The following HS6ST2 variants were observed in gnomAD, a reference collection of about 807,000 sequenced individuals.
HS6ST2 encodes heparan sulfate 6-O-sulfotransferase 2, also known as heparan-sulfate 6-O-sulfotransferase 2.
HS6ST2 carries 17 observed loss-of-function variants against 33.0 expected under a neutral mutation model. That is an observed-to-expected ratio of 0.52 (90% CI 0.35 to 0.77). HS6ST2 has a LOEUF of 0.77. HS6ST2 is among the 30% of genes least tolerant of loss of function. The pLI is 0.01. For missense variants in HS6ST2, 519 were observed against 551.7 expected (o/e 0.94, Z 0.59); for synonymous variants, 248 against 237.1 (o/e 1.05, Z -0.42).
At chrX:132,665,771 T>A (rs1334524858) in intron 4 of HS6ST2, among the ~76,000 whole-genome samples, 6 of 110,041 alleles carry the variant, frequency 5.5e-5, no homozygotes, top group African/African-American at 2.0e-4. Flanking sequence ...TTCTGTCTTG[T>A]CAATTTGGCT....
At chrX:132,930,093 G>C (rs2066750215) in intron 2 of HS6ST2, among the ~76,000 whole-genome samples, 1 of 111,532 alleles carries the variant, frequency 9.0e-6, no homozygotes, top group Non-Finnish European at 1.9e-5. Flanking sequence ...CCCAATTGTG[G>C]CAAGTAGCCC....
intron 4 of HS6ST2, among the ~76,000 whole-genome samples, chrX:132,637,842 T>TATATATTATTTTA (rs2063564919): frequency 2.5e-5 from 1 of 40,803 alleles, no homozygotes; most frequent in African/African-American, 5.1e-4. Context: ...ATATAATATT[T>TATATATTATTTTA]TATATATAAT....
At chrX:132,894,911 C>T (rs183158234) in intron 2 of HS6ST2, among the ~76,000 whole-genome samples, 28 of 112,191 alleles carry the variant, frequency 2.5e-4, no homozygotes, top group Admixed American at 2.2e-3. Context: ...TCCAAAGGGA[C>T]AGAATACAAG....
At chrX:132,643,428 GC>G (rs1336738178) in intron 4 of HS6ST2, among the ~76,000 whole-genome samples, 1 of 111,770 alleles carries the variant, frequency 8.9e-6, no homozygotes, top group Non-Finnish European at 1.9e-5. Context: ...CCGATGAAGG[GC>G]AAGGTTCCTG....
intron 2 of HS6ST2, among the ~76,000 whole-genome samples, chrX:132,717,334 T>A (rs770670436): frequency 8.9e-6 from 1 of 112,815 alleles, no homozygotes; most frequent in South Asian, 3.7e-4. Context: ...TATGTTCATA[T>A]CCCAGCTCTC....
intron 2 of HS6ST2, among the ~76,000 whole-genome samples, chrX:132,724,948 T>C (rs1327528389): frequency 2.7e-5 from 3 of 111,892 alleles, no homozygotes; most frequent in Admixed American, 9.5e-5. Flanking sequence ...TGAATATCCA[T>C]ATGCAAAAGA....
intron 4 of HS6ST2, among the ~76,000 whole-genome samples, chrX:132,640,543 C>G (rs1189500973): frequency 9.0e-6 from 1 of 111,144 alleles, no homozygotes; most frequent in Non-Finnish European, 1.9e-5. Context: ...TCATTTTAGT[C>G]ACAGTGTATA....
chrX:132,900,949 T>A (rs2066421140), intron 2 of HS6ST2, among the ~76,000 whole-genome samples: 1 of 112,463 alleles, frequency 8.9e-6, no homozygotes, highest in Middle Eastern at 4.7e-3. Flanking sequence ...CCCTCTCTTA[T>A]TATCTTTCAC....
intron 2 of HS6ST2, among the ~76,000 whole-genome samples, chrX:132,772,092 A>G (rs1262068962): frequency 8.9e-6 from 1 of 111,946 alleles, no homozygotes; most frequent in Non-Finnish European, 1.9e-5. Flanking sequence ...CATTCTTATA[A>G]TTATTATAAA....
chrX:132,858,473 A>T (rs954852707), intron 2 of HS6ST2, among the ~76,000 whole-genome samples: 8 of 112,148 alleles, frequency 7.1e-5, no homozygotes, highest in Non-Finnish European at 1.5e-4. Flanking sequence ...ACAAAGTACT[A>T]GGTGGTGGGC....
Position 132,766,270 on chromosome X carries a change from T to C in HS6ST2, c.948-57776A>G, listed in dbSNP as rs924049525. ...TTATTGGTAAATGAATCTTTCACCA[T>C]TAATTTAACTAACTAAAATAACAAA... On this transcript the variant is annotated intron_variant, in intron 2 of 4. Coordinates refer to ENST00000370833, the MANE Select transcript of HS6ST2 (RefSeq NM_001394073.1). 1.2e-4 allele frequency among the ~76,000 whole-genome samples: 14 copies of C among 112,645 alleles called. 1 individual carries two copies. The highest frequency in any genetic ancestry group is 5.6e-5 in the Non-Finnish European group (3 of 53,362).
At chrX:132,798,040 T>G (rs1602688309) in intron 2 of HS6ST2, among the ~76,000 whole-genome samples, 1 of 66,152 alleles carries the variant, frequency 1.5e-5, no homozygotes, top group Admixed American at 2.1e-4. Flanking sequence ...GAAGTCAAGT[T>G]GAAAGAAGGA....
chrX:132,686,020 A>G (rs2064014057), intron 3 of HS6ST2, among the ~76,000 whole-genome samples: 1 of 111,745 alleles, frequency 8.9e-6, no homozygotes, highest in Non-Finnish European at 1.9e-5. Context: ...GTATTCCTAG[A>G]TAACTGTTCA....
chrX:132,861,937 T>G (rs932832652), intron 2 of HS6ST2, among the ~76,000 whole-genome samples: 1 of 112,415 alleles, frequency 8.9e-6, no homozygotes, highest in Non-Finnish European at 1.9e-5. Flanking sequence ...GAACTTACCA[T>G]GGAACAGATG....
chrX:132,652,854 A>C (rs768036056), intron 4 of HS6ST2, among the ~76,000 whole-genome samples: 2 of 111,249 alleles, frequency 1.8e-5, no homozygotes, highest in South Asian at 3.8e-4. Flanking sequence ...ATCCTGATTA[A>C]GGCACTTGCA....
intron 2 of HS6ST2, among the ~76,000 whole-genome samples, chrX:132,898,664 A>G (rs1229373217): frequency 9.0e-6 from 1 of 110,761 alleles, no homozygotes; most frequent in Non-Finnish European, 1.9e-5. Flanking sequence ...AATCTTCCCT[A>G]GCTTACTGAC....
At chrX:132,679,891 C>T (rs1344406056) in intron 3 of HS6ST2, among the ~76,000 whole-genome samples, 1 of 109,762 alleles carries the variant, frequency 9.1e-6, no homozygotes, top group Non-Finnish European at 1.9e-5. Context: ...TTCCACCTGG[C>T]TCACCAGCGG....
At chrX:132,640,098 C>T (rs1360442656) in intron 4 of HS6ST2, among the ~76,000 whole-genome samples, 1 of 110,761 alleles carries the variant, frequency 9.0e-6, no homozygotes, top group African/African-American at 3.3e-5. Flanking sequence ...CCATGAACAA[C>T]GTATCAACTC....
intron 2 of HS6ST2, among the ~76,000 whole-genome samples, chrX:132,756,543 G>A (rs1242807192): frequency 1.8e-5 from 2 of 109,513 alleles, no homozygotes; most frequent in African/African-American, 6.7e-5. Flanking sequence ...GCTTTTGCTC[G>A]CCCAGCCTCC....
Sources: allele counts gnomAD v4.1 joint callset (sites outside exome capture counted in the v4.1 genomes callset), GRCh38; gene constraint gnomAD v4.1.1; transcripts MANE v1.5; gene names NCBI Gene and HGNC (gene_info 2026-07-23, HGNC 2026-07-21).